ADGRB3: variants seen among roughly 807,000 people sequenced by gnomAD.
The protein encoded by ADGRB3 is brain-specific angiogenesis inhibitor 3.
ADGRB3 carries 37 observed loss-of-function variants against 193.4 expected under a neutral mutation model. The observed-to-expected ratio is 0.19, with a 90% CI of 0.15 to 0.25. ADGRB3 has a LOEUF of 0.25. Ranked by LOEUF, ADGRB3 falls within the 10% of genes least tolerant of loss-of-function variation. ADGRB3 has a pLI of 1.00. For synonymous variants in ADGRB3, 690 were observed against 644.2 expected (o/e 1.07, Z -1.08); for missense variants, 1,637 against 1,852.9 (o/e 0.88, Z 2.14).
intron 20 of ADGRB3, among the ~76,000 whole-genome samples, chr6:69,307,201 A>T (rs1475325403): frequency 6.6e-6 from 1 of 151,226 alleles, no homozygotes; most frequent in South Asian, 2.1e-4. Context: ...GTTTTATTTG[A>T]CTCTAAAAAT....
intron 10 of ADGRB3, among the ~76,000 whole-genome samples, chr6:68,986,932 AAC>A (rs1434962308): frequency 6.6e-6 from 1 of 152,120 alleles, no homozygotes; most frequent in Non-Finnish European, 1.5e-5. Flanking sequence ...TTATTTCAGA[AAC>A]ACACCTACTC....
chr6:69,156,737 A>C (rs1488257007), intron 17 of ADGRB3, among the ~76,000 whole-genome samples: 2 of 152,236 alleles, frequency 1.3e-5, no homozygotes, highest in Non-Finnish European at 2.9e-5. Context: ...TGTTGTTATG[A>C]AAATAGAAGG....
At chr6:69,254,774 G>A (rs940535973) in intron 20 of ADGRB3, among the ~76,000 whole-genome samples, 1 of 149,928 alleles carries the variant, frequency 6.7e-6, no homozygotes, top group Non-Finnish European at 1.5e-5. Flanking sequence ...AGTTACATAT[G>A]TATACATGTG....
Position 69,315,829 on chromosome 6 carries a change from ATTAGT to A in ADGRB3, c.2815-9035_2815-9031del, listed in dbSNP as rs1156869057. On this transcript the variant is annotated intron_variant, in intron 20 of 31. Transcript: ENST00000370598. Reference sequence around the variant, plus strand: ...AATAATAATTGCTTTATATGTAGGAATTAGTTTAGTTTGTCTTATATTGTTGAAAT... The same window carrying A: ...AATAATAATTGCTTTATATGTAGGAATTAGTTTGTCTTATATTGTTGAAAT... Among the ~76,000 whole-genome samples the A allele has an allele frequency of 3.3e-5, 5 of 151,542 alleles. No individual in the cohort carries two copies. The East Asian group carries it at 7.8e-4, about 24-fold the overall frequency.
rs117604828 is a variant in ADGRB3 at position 69,026,174 on chromosome 6, C to T, written c.2107+7675C>T. Among the ~76,000 whole-genome samples, 349 of 152,274 alleles carry T rather than the reference C, an allele frequency of 2.3e-3. 4 individuals are homozygous for T. Among genetic ancestry groups the T allele is most frequent in the Middle Eastern group, 6.8e-3 (2 of 294 alleles). On this transcript the variant is annotated intron_variant, in intron 13 of 31. Transcript: ENST00000370598. ...TTGTGGTAGAGATACAGATGTCAAACCATGCCATCAAACATGCCCAGTGGT... is the reference window on the plus strand; with the variant it reads ...TTGTGGTAGAGATACAGATGTCAAATCATGCCATCAAACATGCCCAGTGGT...
chr6:68,676,729 G>A (rs899391158), intron 3 of ADGRB3, among the ~76,000 whole-genome samples: 1 of 152,094 alleles, frequency 6.6e-6, no homozygotes, highest in African/African-American at 2.4e-5. Flanking sequence ...AGAGTGCTAA[G>A]TAAAATGACT....
chr6:68,767,615 C>A (rs1224413610), intron 3 of ADGRB3, among the ~76,000 whole-genome samples: 2 of 152,138 alleles, frequency 1.3e-5, no homozygotes, highest in African/African-American at 4.8e-5. Context: ...GAAGCATTCC[C>A]TTTGAAAACT....
chr6:69,321,202 A>G (rs1014762008), intron 20 of ADGRB3, among the ~76,000 whole-genome samples: 4 of 151,676 alleles, frequency 2.6e-5, no homozygotes, highest in Non-Finnish European at 4.4e-5. Context: ...GTGTCTAGGA[A>G]TTTGGTGTGA....
intron 3 of ADGRB3, among the ~76,000 whole-genome samples, chr6:68,805,163 C>G (rs1281430872): frequency 2.6e-5 from 4 of 152,096 alleles, no homozygotes; most frequent in African/African-American, 9.7e-5. Flanking sequence ...TATCTAATTC[C>G]CGGCCTAAAG....
At chr6:69,046,330 G>A (rs1380961969) in intron 13 of ADGRB3, among the ~76,000 whole-genome samples, 1 of 152,148 alleles carries the variant, frequency 6.6e-6, no homozygotes, top group East Asian at 1.9e-4. Context: ...GCATATAACA[G>A]TAGATACACG....
chr6:69,179,434 C>T (rs2150350813), intron 17 of ADGRB3, among the ~76,000 whole-genome samples: 1 of 152,302 alleles, frequency 6.6e-6, no homozygotes, highest in South Asian at 2.1e-4. Context: ...TCTTGGATCT[C>T]ATTGAGCTTC....
At chr6:69,166,154 T>A (rs1775128088) in intron 17 of ADGRB3, among the ~76,000 whole-genome samples, 1 of 152,084 alleles carries the variant, frequency 6.6e-6, no homozygotes, top group South Asian at 2.1e-4. Flanking sequence ...CTATTTAATT[T>A]TTTGGTACCA....
chr6:69,093,192 G>T (rs1158321288), intron 17 of ADGRB3, among the ~76,000 whole-genome samples: 1 of 151,026 alleles, frequency 6.6e-6, no homozygotes, highest in Admixed American at 6.6e-5. Flanking sequence ...TTCATGGAGA[G>T]AAGGGTGGGC....
intron 17 of ADGRB3, among the ~76,000 whole-genome samples, chr6:69,157,993 G>A (rs1774890765): frequency 6.6e-6 from 1 of 151,960 alleles, no homozygotes; most frequent in Non-Finnish European, 1.5e-5. Flanking sequence ...TTTGTTACTT[G>A]CAGTAGAATC....
intron 3 of ADGRB3, among the ~76,000 whole-genome samples, chr6:68,783,996 A>G (rs2127362567): frequency 6.6e-6 from 1 of 152,166 alleles, no homozygotes; most frequent in African/African-American, 2.4e-5. Context: ...AAGAGACTGG[A>G]GATATTTGAG....
At chr6:68,991,551 C>T (rs780404091) in intron 10 of ADGRB3, among the ~76,000 whole-genome samples, 3 of 150,642 alleles carry the variant, frequency 2.0e-5, no homozygotes, top group African/African-American at 4.9e-5. Flanking sequence ...TCAAGGCCCC[C>T]GCCATCCCCT....
intron 21 of ADGRB3, 87 bp downstream of exon 21, chr6:69,325,109 G>T (rs1371113526): frequency 7.0e-6 from 10 of 1,422,384 alleles, no homozygotes; most frequent in Admixed American, 2.3e-5. Flanking sequence ...TTAGACACAG[G>T]CTACTTTGTG....
At chr6:68,739,024 C>T (rs1221990033) in intron 3 of ADGRB3, among the ~76,000 whole-genome samples, 1 of 152,108 alleles carries the variant, frequency 6.6e-6, no homozygotes, top group East Asian at 1.9e-4. Flanking sequence ...CCTTATATGT[C>T]AAGTAAAAGG....
At chr6:69,374,694 A>C (rs1159324589) in intron 30 of ADGRB3, among the ~76,000 whole-genome samples, 1 of 152,054 alleles carries the variant, frequency 6.6e-6, no homozygotes, top group African/African-American at 2.4e-5. Flanking sequence ...AAAATACTGT[A>C]GTGATATTCT....
Sources: gnomAD v4.1 joint callset for allele counts (sites outside exome capture counted in the v4.1 genomes callset) on GRCh38, gnomAD v4.1.1 for gene constraint, MANE v1.5 for transcripts, NCBI Gene and HGNC (gene_info 2026-07-23, HGNC 2026-07-21) for gene names.